The following SNX2 variants were observed in gnomAD, a reference collection of about 807,000 sequenced individuals.
SNX2 encodes sorting nexin-2.
A neutral mutation model predicts 69.9 loss-of-function variants in SNX2; 25 were observed. That is an observed-to-expected ratio of 0.36 (90% CI 0.26 to 0.50). SNX2 has a LOEUF of 0.50. Ranked by LOEUF, SNX2 falls within the 20% of genes least tolerant of loss-of-function variation. The pLI is 0.97. For synonymous variants in SNX2, 229 were observed against 200.4 expected, an observed-to-expected ratio of 1.14 and a Z score of -1.20; for missense variants, 551 against 613.3, an observed-to-expected ratio of 0.90 and a Z score of 1.07.
intron 1 of SNX2, among the ~76,000 whole-genome samples, chr5:122,792,089 T>TAA (rs1425278143): frequency 6.6e-6 from 1 of 152,228 alleles, no homozygotes; most frequent in Non-Finnish European, 1.5e-5. Flanking sequence ...GTTGCTAAGT[T>TAA]AAAGAGAGGC....
At chr5:122,814,253 T>G (rs1210364672) in intron 7 of SNX2, among the ~76,000 whole-genome samples, 3 of 152,210 alleles carry the variant, frequency 2.0e-5, no homozygotes, top group Non-Finnish European at 4.4e-5. Flanking sequence ...GTGAGAGAAC[T>G]TCAGTGTTAA....
intron 6 of SNX2, among the ~76,000 whole-genome samples, chr5:122,806,142 G>GCACACACACACACACA (rs139834252): frequency 2.4e-4 from 32 of 130,612 alleles, no homozygotes; most frequent in Non-Finnish European, 3.8e-4. Flanking sequence ...ACACGCGCGC[G>GCACACACACACACACA]CACACACACA....
At chr5:122,811,820 C>T (rs555644893) in intron 7 of SNX2, among the ~76,000 whole-genome samples, 51 of 75,476 alleles carry the variant, frequency 6.8e-4, no homozygotes, top group African/African-American at 3.0e-3. Context: ...AGTGAGACTC[C>T]GTCTCTAAAT....
At chr5:122,811,069 C>T (rs1753765199) in intron 7 of SNX2, among the ~76,000 whole-genome samples, 1 of 152,182 alleles carries the variant, frequency 6.6e-6, no homozygotes, top group African/African-American at 2.4e-5. Flanking sequence ...CAGGTACCAT[C>T]TGTGGGATAC....
chr5:122,824,018 A>G (rs531413035), intron 11 of SNX2, among the ~76,000 whole-genome samples: 34 of 152,044 alleles, frequency 2.2e-4, no homozygotes, highest in Admixed American at 2.2e-3. Flanking sequence ...TGGCTAACAC[A>G]GTGAAACCCC....
intron 5 of SNX2, among the ~76,000 whole-genome samples, 159 bp from the exon 6 acceptor site, chr5:122,803,313 G>GT (rs35617924): frequency 1.3e-5 from 2 of 151,294 alleles, no homozygotes; most frequent in East Asian, 1.9e-4. Flanking sequence ...TATGGTTTAG[G>GT]TTTTTTTTTT....
At chr5:122,799,621 T>G in intron 2 of SNX2, 71 bp from the exon 3 acceptor site, 2 of 917,308 alleles carry the variant, frequency 2.2e-6, no homozygotes, top group Non-Finnish European at 3.1e-6. Flanking sequence ...TTATAATCCA[T>G]TAACTGCTAT....
At chr5:122,808,235 G>A in intron 6 of SNX2, 42 bp from the exon 7 acceptor site, 3 of 1,218,200 alleles carry the variant, frequency 2.5e-6, no homozygotes, top group South Asian at 1.4e-5. Flanking sequence ...GACTTTCACA[G>A]CAATATAAAG....
chr5:122,790,682 G>A (rs1291747276), intron 1 of SNX2, among the ~76,000 whole-genome samples: 1 of 152,172 alleles, frequency 6.6e-6, no homozygotes, highest in African/African-American at 2.4e-5. Flanking sequence ...TGTCGCAGCA[G>A]AAATACATAT....
intron 11 of SNX2, among the ~76,000 whole-genome samples, chr5:122,820,276 G>A (rs1275228717): frequency 6.6e-6 from 1 of 152,182 alleles, no homozygotes; most frequent in Non-Finnish European, 1.5e-5. Flanking sequence ...TGTGGCTCAC[G>A]CCTGTAATCC....
At chr5:122,806,142 G>GCGCACGCGCACA in intron 6 of SNX2, among the ~76,000 whole-genome samples, 11 of 130,648 alleles carry the variant, frequency 8.4e-5, no homozygotes, top group African/African-American at 2.9e-4. Context: ...ACACGCGCGC[G>GCGCACGCGCACA]CACACACACA....
intron 2 of SNX2, 41 bp from the exon 3 acceptor site, chr5:122,799,651 C>T: frequency 6.6e-7 from 1 of 1,506,426 alleles, no homozygotes; most frequent in Non-Finnish European, 9.0e-7. Flanking sequence ...TGGGGGTTTG[C>T]TTGCCAGTGT....
rs771467838 is a variant in SNX2 at position 122,795,366 on chromosome 5, G to A, written c.209G>A (p.Arg70Lys). ...ACAGAAGTTGTATTAGATGATGACA[G>A]AGAAGATCTTTTTGCAGGTAATTGT... ...KPTEVVLDDD[R>K]EDLFAEATEE... Residue 70 changes from arginine (R) to lysine (K), a missense_variant, in exon 2 of 15, where the codon AGA becomes AAA. Transcript: ENST00000379516. 2 of 1,609,774 alleles carry A rather than the reference G, an allele frequency of 1.2e-6. No homozygotes were observed. The highest frequency in any genetic ancestry group is 1.1e-5 in the South Asian group (1 of 90,740).
chr5:122,800,654 A>G lies in SNX2; in HGVS notation c.390+799A>G, dbSNP rs536590164. ...ATTTCTGATTTAGGTTCTGATTACA[A>G]ACGTGTTCACTTTGTAAAGGTTTAT... On this transcript the variant is annotated intron_variant, in intron 3 of 14. Coordinates refer to ENST00000379516, the MANE Select transcript of SNX2 (RefSeq NM_003100.4). Among the ~76,000 whole-genome samples the G allele has an allele frequency of 3.3e-5, 5 of 152,328 alleles. No individual in the cohort carries two copies. In the East Asian group the frequency reaches 9.6e-4, roughly 29 times the overall value.
chr5:122,824,931 C>CA lies in SNX2; in HGVS notation c.1213-1118dup, dbSNP rs755396282. Among the ~76,000 whole-genome samples the CA allele has an allele frequency of 1.3e-3, 205 of 152,214 alleles. 1 individual carries two copies. Among genetic ancestry groups the CA allele is most frequent in the Non-Finnish European group, 2.0e-3 (134 of 67,980 alleles). ...GTTATTTCTAATCCATAAATGTAGA[C>CA]ATCACTTCCCACCTTTCGTATTTGG... On this transcript the variant is annotated intron_variant, in intron 11 of 14. Coordinates refer to ENST00000379516, the MANE Select transcript of SNX2 (RefSeq NM_003100.4).
chr5:122,806,142 G>GCACGCACGCACACACACACACA (rs1554063175), intron 6 of SNX2, among the ~76,000 whole-genome samples: 39 of 130,584 alleles, frequency 3.0e-4, no homozygotes, highest in African/African-American at 1.0e-3. Context: ...ACACGCGCGC[G>GCACGCACGCACACACACACACA]CACACACACA....
At chr5:122,778,069 C>T (rs1752893196) in intron 1 of SNX2, among the ~76,000 whole-genome samples, 4 of 152,180 alleles carry the variant, frequency 2.6e-5, no homozygotes, top group Admixed American at 2.6e-4. Context: ...TAGGAACATG[C>T]AGTATTTGTC....
At chr5:122,827,773 G>A in intron 14 of SNX2, 127 bp downstream of exon 14, 1 of 685,082 alleles carries the variant, frequency 1.5e-6, no homozygotes, top group Non-Finnish European at 2.5e-6. Context: ...CAGAAAGCCA[G>A]TGATGGTAAA....
At chr5:122,775,719 G>C in intron 1 of SNX2, 1 of 985,754 alleles carries the variant, frequency 1.0e-6, no homozygotes, top group Non-Finnish European at 1.2e-6. Context: ...ACGGACTGCT[G>C]GTTCCTCTTG....
Sources: gnomAD v4.1 joint callset for allele counts (sites outside exome capture counted in the v4.1 genomes callset) on GRCh38, gnomAD v4.1.1 for gene constraint, MANE v1.5 for transcripts, NCBI Gene and HGNC (gene_info 2026-07-23, HGNC 2026-07-21) for gene names.